PDE3B: variants seen among roughly 807,000 people sequenced by gnomAD.
The protein encoded by PDE3B is cGMP-inhibited 3',5'-cyclic phosphodiesterase 3B.
PDE3B carries 66 observed loss-of-function variants against 116.8 expected under a neutral mutation model. That is an observed-to-expected ratio of 0.56 (90% CI 0.46 to 0.69). PDE3B has a LOEUF of 0.69. PDE3B is among the 30% of genes least tolerant of loss of function. PDE3B has a pLI of 0.00. For missense variants in PDE3B, 1,384 were observed against 1,368.1 expected (o/e 1.01, Z -0.18); for synonymous variants, 595 against 533.6 (o/e 1.12, Z -1.59).
chr11:14,790,396 G>T (rs1482750720), intron 4 of PDE3B, among the ~76,000 whole-genome samples: 1 of 150,978 alleles, frequency 6.6e-6, no homozygotes, highest in South Asian at 2.1e-4. Flanking sequence ...CAGAAAATGT[G>T]ACAGTATTTC....
chr11:14,890,328 C>T, the PDE3B span: 1 of 281,172 alleles, frequency 3.6e-6, no homozygotes, highest in Non-Finnish European at 5.4e-6. Flanking sequence ...ATGCTGTGTA[C>T]CAAGATACCA....
At chr11:14,725,541 T>G (rs542914489) in intron 1 of PDE3B, among the ~76,000 whole-genome samples, 1 of 54,724 alleles carries the variant, frequency 1.8e-5, no homozygotes, top group African/African-American at 7.7e-5. Flanking sequence ...TCCCCTCCCC[T>G]CCCCTCTCCC....
intron 15 of PDE3B, among the ~76,000 whole-genome samples, chr11:14,868,467 C>T (rs1555008464): frequency 6.6e-6 from 1 of 152,160 alleles, no homozygotes; most frequent in Non-Finnish European, 1.5e-5. Flanking sequence ...CATACATTCC[C>T]TGGCTGTAGA....
intron 1 of PDE3B, among the ~76,000 whole-genome samples, chr11:14,765,549 A>G (rs980257697): frequency 1.8e-4 from 27 of 151,930 alleles, no homozygotes; most frequent in Admixed American, 2.6e-4. Flanking sequence ...AATGTTTAAT[A>G]GTATATATTA....
At chr11:14,875,005 G>A (rs1010403450), downstream of PDE3B, among the ~76,000 whole-genome samples, 1 of 152,050 alleles carries the variant, frequency 6.6e-6, no homozygotes, top group Non-Finnish European at 1.5e-5. Context: ...ACTAATCCCA[G>A]GTAGGAGCAC....
chr11:14,679,705 A>G (rs919038776), intron 1 of PDE3B, among the ~76,000 whole-genome samples: 2 of 151,764 alleles, frequency 1.3e-5, no homozygotes, highest in African/African-American at 4.8e-5. Context: ...GGAGCAGCTC[A>G]GGGCGAACTC....
intron 13 of PDE3B, among the ~76,000 whole-genome samples, chr11:14,859,839 A>G (rs1263275583): frequency 1.3e-5 from 2 of 152,208 alleles, no homozygotes; most frequent in African/African-American, 2.4e-5. Context: ...GGGATCAAGA[A>G]TCACTGCCCC....
chr11:14,663,797 T>A (rs11023299), intron 1 of PDE3B, among the ~76,000 whole-genome samples: 53,865 of 151,922 alleles, frequency 0.35, 10,925 homozygotes, highest in South Asian at 0.46. Context: ...ACAAAGAGAC[T>A]TAGACTCCCA....
intron 1 of PDE3B, among the ~76,000 whole-genome samples, chr11:14,662,605 G>A (rs1285863163): frequency 6.6e-6 from 1 of 152,188 alleles, no homozygotes; most frequent in Non-Finnish European, 1.5e-5. Context: ...ATACAGAGAA[G>A]TGCTTAAAGG....
chr11:14,786,257 G>A (rs1858191277), intron 2 of PDE3B, among the ~76,000 whole-genome samples, 180 bp from the exon 3 acceptor site: 1 of 151,942 alleles, frequency 6.6e-6, no homozygotes, highest in Non-Finnish European at 1.5e-5. Context: ...GTAATTCAGT[G>A]TTAGTAGTTA....
At chr11:14,867,187 G>A (rs1347682759) in intron 14 of PDE3B, among the ~76,000 whole-genome samples, 2 of 151,954 alleles carry the variant, frequency 1.3e-5, no homozygotes, top group Non-Finnish European at 2.9e-5. Flanking sequence ...CCTAGATAAA[G>A]AGAATCCATA....
chr11:14,744,885 C>T (rs1163339460), intron 1 of PDE3B, among the ~76,000 whole-genome samples: 1 of 151,894 alleles, frequency 6.6e-6, no homozygotes, highest in Non-Finnish European at 1.5e-5. Flanking sequence ...GAATAAAAGC[C>T]CAGGGGATAG....
chr11:14,665,364 G>A (rs1439720155), intron 1 of PDE3B, among the ~76,000 whole-genome samples: 1 of 152,200 alleles, frequency 6.6e-6, no homozygotes, highest in Non-Finnish European at 1.5e-5. Flanking sequence ...GCACAAGACA[G>A]GGATGCTGTC....
intron 2 of PDE3B, chr11:14,776,661 A>G (rs1357684982): frequency 6.6e-6 from 1 of 150,568 alleles, no homozygotes; most frequent in Non-Finnish European, 1.5e-5. Flanking sequence ...TAATAGTAAT[A>G]ATAAAAAAAA....
intron 1 of PDE3B, among the ~76,000 whole-genome samples, chr11:14,661,641 C>A (rs964939040): frequency 2.0e-5 from 3 of 152,212 alleles, no homozygotes; most frequent in Non-Finnish European, 4.4e-5. Flanking sequence ...AAAAACGGCG[C>A]ACCACAAGAT....
At chr11:14,831,966 ATGACAAGTAGTTTATT>A (rs1859899776) in intron 9 of PDE3B, among the ~76,000 whole-genome samples, 189 bp downstream of exon 9, 1 of 152,184 alleles carries the variant, frequency 6.6e-6, no homozygotes, top group Non-Finnish European at 1.5e-5. Context: ...TATTATATAT[ATGACAAGTAGTTTATT>A]TGACCATATT....
intron 1 of PDE3B, among the ~76,000 whole-genome samples, chr11:14,669,091 G>A (rs1437404403): frequency 6.6e-6 from 1 of 152,176 alleles, no homozygotes; most frequent in Admixed American, 6.5e-5. Flanking sequence ...TATCTGATGA[G>A]CAACAGCAGA....
Position 14,786,545 on chromosome 11 carries a change from C to A in PDE3B, c.1138C>A (p.Leu380Ile), listed in dbSNP as rs1034628532. 2 of 1,613,222 alleles carry A rather than the reference C, an allele frequency of 1.2e-6. No homozygotes were observed. The highest frequency in any genetic ancestry group is 2.7e-5 in the African/African-American group (2 of 74,840). The change falls in exon 3 of 16, where the codon CTA becomes ATA. Residue 380 changes from leucine (L) to isoleucine (I), a missense_variant. Leu to Ile is a conservative substitution (Grantham distance 5). This residue lies in a region of PDE3B where 956 missense variants were observed against 806.8 expected (regional missense o/e 1.18). Transcript: ENST00000282096. ...CCTTCCACCACAAGTCATTTCCTCT[C>A]TACGGAGTATTAGTAGCTTAATGGG... ...PSLPPQVISS[L>I]RSISSLMGAF...
At chr11:14,759,529 C>A (rs1433682439) in intron 1 of PDE3B, among the ~76,000 whole-genome samples, 1 of 151,726 alleles carries the variant, frequency 6.6e-6, no homozygotes, top group African/African-American at 2.4e-5. Context: ...TAAAGTTGTT[C>A]CACTGTCTAT....
Sources: gnomAD v4.1 joint callset for allele counts (sites outside exome capture counted in the v4.1 genomes callset) on GRCh38, gnomAD v4.1.1 for gene constraint, gnomAD v4.1.1 regional missense constraint, MANE v1.5 for transcripts, NCBI Gene and HGNC (gene_info 2026-07-23, HGNC 2026-07-21) for gene names.